Variants in NUDT1 observed in about 807,000 individuals in gnomAD.
NUDT1 encodes nudix hydrolase 1, also known as oxidized purine nucleoside triphosphate hydrolase.
Under a neutral mutation model 11.3 loss-of-function variants are expected in NUDT1, and 16 were observed. The observed-to-expected ratio is 1.41, with a 90% CI of 0.96 to 2.15. The LOEUF (loss-of-function observed/expected upper bound fraction) is 2.15. NUDT1 is among the 30% of genes most tolerant of loss of function. NUDT1 has a pLI of 0.00. For synonymous variants in NUDT1, 101 were observed against 84.4 expected, an observed-to-expected ratio of 1.20 and a Z score of -1.08; for missense variants, 234 against 208.4, an observed-to-expected ratio of 1.12 and a Z score of -0.76.
intron 2 of NUDT1, 61 bp from the exon 3 acceptor site, chr7:2,249,796 A>G (rs1455973361): frequency 1.2e-6 from 2 of 1,600,950 alleles, no homozygotes; most frequent in Non-Finnish European, 1.7e-6. Context: ...CCTCCCTGCC[A>G]TCGTGTGGGC....
intron 2 of NUDT1, among the ~76,000 whole-genome samples, chr7:2,246,095 G>A (rs181559523): frequency 8.5e-5 from 13 of 152,282 alleles, no homozygotes; most frequent in Admixed American, 2.0e-4. Context: ...TGTGCAGAGC[G>A]ACCACAGCAC....
chr7:2,245,661 C>T (rs1485144757), intron 2 of NUDT1, among the ~76,000 whole-genome samples: 4 of 152,120 alleles, frequency 2.6e-5, no homozygotes, highest in African/African-American at 9.7e-5. Flanking sequence ...TGGGCTCAAA[C>T]GATCCTCCTG....
At chr7:2,250,780 A>C in intron 3 of NUDT1, 49 bp from the exon 4 acceptor site, 1 of 1,611,892 alleles carries the variant, frequency 6.2e-7, no homozygotes, top group Non-Finnish European at 8.5e-7. Flanking sequence ...TTTTTTAAGC[A>C]TGAAGTTTGG....
rs767174292 is a variant in NUDT1, at chr7:2,242,267, C to T, written c.-13+11C>T. ...GAAGCGGCGGTGCAGGTACGAAAAG[C>T]GCGCGCGGGGATTCCAGGAGTCGTG... is the stretch of plus-strand genomic sequence containing the variant. On this transcript the variant is annotated intron_variant, in intron 1 of 3. Coordinates refer to ENST00000356714, the MANE Select transcript of NUDT1 (RefSeq NM_002452.4). 8 of 1,251,982 alleles carry T rather than the reference C, an allele frequency of 6.4e-6. No individual in the cohort carries two copies. The highest frequency in any genetic ancestry group is 3.2e-5 in the African/African-American group (2 of 63,264). 77.6% of individuals were successfully genotyped at this position (1,251,982 alleles called of 1,614,324 possible).
At chr7:2,244,087 G>C (rs753669179) in intron 1 of NUDT1, among the ~76,000 whole-genome samples, 1 of 152,228 alleles carries the variant, frequency 6.6e-6, no homozygotes, top group African/African-American at 2.4e-5. Context: ...AGAGAGGCCA[G>C]GTCCCACTAG....
At chr7:2,244,933 G>A (rs1562406628) in intron 2 of NUDT1, among the ~76,000 whole-genome samples, 1 of 152,208 alleles carries the variant, frequency 6.6e-6, no homozygotes. Context: ...AAATGAACTC[G>A]AAGGACTTAG....
intron 2 of NUDT1, among the ~76,000 whole-genome samples, chr7:2,249,100 T>G (rs1376075483): frequency 6.6e-6 from 1 of 152,230 alleles, no homozygotes; most frequent in Non-Finnish European, 1.5e-5. Context: ...GAAGGGCTTG[T>G]TCCCAGGCGC....
chr7:2,243,562 CAG>C (rs71745328), intron 1 of NUDT1, among the ~76,000 whole-genome samples: 1,631 of 152,266 alleles, frequency 0.011, 30 homozygotes, highest in African/African-American at 0.037. Context: ...CGCTTGAGCT[CAG>C]GAGTTCGTGA....
At chr7:2,244,947 G>A (rs566848446) in intron 2 of NUDT1, among the ~76,000 whole-genome samples, 16 of 152,322 alleles carry the variant, frequency 1.1e-4, no homozygotes, top group Middle Eastern at 3.4e-3. Flanking sequence ...GACTTAGAAC[G>A]GTGCGCGGTG....
chr7:2,244,452 ACC>A, intron 1 of NUDT1, 109 bp from the exon 2 acceptor site: 1 of 553,140 alleles, frequency 1.8e-6, no homozygotes, highest in South Asian at 2.0e-5. Flanking sequence ...GTTACAGCAT[ACC>A]CCCCCGCCCC....
intron 2 of NUDT1, among the ~76,000 whole-genome samples, chr7:2,248,925 C>T (rs1195952732): frequency 6.6e-6 from 1 of 152,176 alleles, no homozygotes; most frequent in Non-Finnish European, 1.5e-5. Flanking sequence ...AAGGGAAAAA[C>T]AGAGGAGAAA....
intron 3 of NUDT1, among the ~76,000 whole-genome samples, chr7:2,250,355 C>T (rs1243485745): frequency 1.3e-5 from 2 of 152,220 alleles, no homozygotes; most frequent in Non-Finnish European, 2.9e-5. Flanking sequence ...GCACTGTGGA[C>T]TGTGGGAGGC....
At chr7:2,250,742 G>A (rs549297177) in intron 3 of NUDT1, 87 bp from the exon 4 acceptor site, 11 of 1,439,254 alleles carry the variant, frequency 7.6e-6, no homozygotes, top group East Asian at 4.7e-5. Context: ...ACAGGCGTGA[G>A]CCACCGCGCC....
At chr7:2,250,050 C>A (rs1584646699) in intron 3 of NUDT1, 48 bp downstream of exon 3, 1 of 1,604,646 alleles carries the variant, frequency 6.2e-7, no homozygotes, top group Non-Finnish European at 8.5e-7. Context: ...CGGGTCCCAT[C>A]TCCTGGCTGG....
chr7:2,245,662 G>T (rs1794740799), intron 2 of NUDT1, among the ~76,000 whole-genome samples: 1 of 152,022 alleles, frequency 6.6e-6, no homozygotes, highest in African/African-American at 2.4e-5. Context: ...GGGCTCAAAC[G>T]ATCCTCCTGC....
chr7:2,249,917 G>C lies in NUDT1; in HGVS notation c.213G>C (p.Val71=), dbSNP rs1562410409. ...VDALHKVGQI[V]FEFVGEPELM... ...CCCTGCACAAGGTGGGCCAGATCGTGTTTGAGTTCGTGGGCGAGCCTGAGC... is the reference window on the plus strand; with the variant it reads ...CCCTGCACAAGGTGGGCCAGATCGTCTTTGAGTTCGTGGGCGAGCCTGAGC... The change falls in exon 3 of 4, where the codon GTG becomes GTC. Residue 71 remains valine (V), a synonymous_variant. Coordinates refer to ENST00000356714, the MANE Select transcript of NUDT1 (RefSeq NM_002452.4). 6.2e-7 allele frequency: 1 copy of C among 1,614,204 alleles called. No homozygotes were observed. Among genetic ancestry groups the C allele is most frequent in the South Asian group, 1.1e-5 (1 of 91,090 alleles).
chr7:2,242,255 A>G lies in NUDT1; in HGVS notation c.-14A>G, dbSNP rs1003573821. On this transcript the variant is annotated splice_region_variant and 5_prime_UTR_variant, in exon 1 of 4. Transcript: ENST00000356714. Reference sequence around the variant, plus strand: ...GCCACGCCCCCGGAAGCGGCGGTGCAGGTACGAAAAGCGCGCGCGGGGATT... The same window carrying G: ...GCCACGCCCCCGGAAGCGGCGGTGCGGGTACGAAAAGCGCGCGCGGGGATT... The G allele has an allele frequency of 1.8e-5, 25 of 1,353,620 alleles. No individual in the cohort carries two copies. Among genetic ancestry groups the G allele is most frequent in the South Asian group, 6.8e-5 (5 of 73,794 alleles). The allele number at this position is 1,353,620 out of a possible 1,614,324, so 83.9% of individuals were successfully genotyped here.
chr7:2,243,991 A>G (rs549785590), intron 1 of NUDT1, among the ~76,000 whole-genome samples: 8 of 152,248 alleles, frequency 5.3e-5, no homozygotes, highest in South Asian at 2.1e-4. Flanking sequence ...ATAAACTCCT[A>G]TCACAGGAGG....
chr7:2,243,101 G>A (rs1794617414), intron 1 of NUDT1: 3 of 686,220 alleles, frequency 4.4e-6, no homozygotes, highest in Admixed American at 4.2e-5. Flanking sequence ...TCCTCTGACC[G>A]CCCCTGCCAA....
Sources: gnomAD v4.1 joint callset for allele counts (sites outside exome capture counted in the v4.1 genomes callset) on GRCh38, gnomAD v4.1.1 for gene constraint, MANE v1.5 for transcripts, NCBI Gene and HGNC (gene_info 2026-07-23, HGNC 2026-07-21) for gene names.